SLC1A1: variants seen among roughly 807,000 people sequenced by gnomAD.
SLC1A1 encodes the protein excitatory amino acid transporter 3.
SLC1A1 carries 43 observed loss-of-function variants against 53.3 expected under a neutral mutation model. The observed-to-expected ratio is 0.81, with a 90% CI of 0.63 to 1.04. The LOEUF (loss-of-function observed/expected upper bound fraction) is 1.04. SLC1A1 is among the 50% of genes least tolerant of loss of function. The probability of loss-of-function intolerance (pLI) is 0.00; values close to 1 mark genes in which losing one functional copy is unlikely to be tolerated. For synonymous variants in SLC1A1, 307 were observed against 243.2 expected, an observed-to-expected ratio of 1.26 and a Z score of -2.44; for missense variants, 748 against 664.9, an observed-to-expected ratio of 1.12 and a Z score of -1.37.
Position 4,585,527 on chromosome 9 carries a change from C to T in SLC1A1, c.1544C>T (p.Thr515Ile). Reference sequence around the variant, plus strand: ...GGCTTTGCAGTAGACAAGTCTGACACCATCTCATTCACCCAGACCTCACAG... The same window carrying T: ...GGCTTTGCAGTAGACAAGTCTGACATCATCTCATTCACCCAGACCTCACAG... Reference protein sequence around the residue: ...NGGFAVDKSDTISFTQTSQF With the variant: ...NGGFAVDKSDIISFTQTSQF Residue 515 changes from threonine to isoleucine, a missense_variant, in exon 12 of 12, where the codon ACC becomes ATC. Physicochemically the swap from Thr to Ile is moderately conservative, Grantham distance 89 (BLOSUM62 -1). Transcript: ENST00000262352. The T allele has an allele frequency of 6.2e-7, 1 of 1,614,226 alleles. No individual in the cohort carries two copies. Among genetic ancestry groups the T allele is most frequent in the Non-Finnish European group, 8.5e-7 (1 of 1,180,034 alleles).
chr9:4,519,154 T>C (rs1815975728), intron 1 of SLC1A1, among the ~76,000 whole-genome samples: 1 of 152,236 alleles, frequency 6.6e-6, no homozygotes, highest in Non-Finnish European at 1.5e-5. Context: ...TAAAGAGAAG[T>C]TTCTGTTCAA....
intron 1 of SLC1A1, among the ~76,000 whole-genome samples, chr9:4,535,282 A>T (rs889810905): frequency 2.0e-5 from 3 of 152,150 alleles, no homozygotes; most frequent in East Asian, 1.9e-4. Flanking sequence ...TGTTTGCAGA[A>T]GACATGATTG....
Position 4,549,170 on chromosome 9 carries a change from G to A in SLC1A1, c.232+4463G>A, listed in dbSNP as rs1321268341. 2.0e-5 allele frequency among the ~76,000 whole-genome samples: 3 copies of A among 152,104 alleles called. No homozygotes were observed. The highest frequency in any genetic ancestry group is 1.9e-4 in the East Asian group (1 of 5,188). Reference sequence around the variant, plus strand: ...CCAGTCCCGCTCCCAGAGGTCCCCTGAGCATCCTTCCCGGATGCTCATAAC... The same window carrying A: ...CCAGTCCCGCTCCCAGAGGTCCCCTAAGCATCCTTCCCGGATGCTCATAAC... On this transcript the variant is annotated intron_variant, in intron 2 of 11. Coordinates refer to ENST00000262352, the MANE Select transcript of SLC1A1 (RefSeq NM_004170.6). The surrounding 1 kb of genome is among the most constrained non-coding windows in gnomAD (Gnocchi z 4.1).
In SLC1A1 at chr9:4,556,346, GA is replaced by G. The variant is rs1453528688; in HGVS notation, c.233-5100del. On this transcript the variant is annotated intron_variant, in intron 2 of 11. Coordinates refer to ENST00000262352, the MANE Select transcript of SLC1A1 (RefSeq NM_004170.6). The surrounding 1 kb of genome is among the most constrained non-coding windows in gnomAD (Gnocchi z 4.1). The stretch of plus-strand genomic sequence containing the variant: ...CTATCTTTTATTATTACATTCAACA[GA>G]AATAAAGTTACTGTCCAATTACTAT... Among the ~76,000 whole-genome samples, 2 of 152,182 alleles carry G rather than the reference GA, an allele frequency of 1.3e-5. No homozygotes were observed. Among genetic ancestry groups the G allele is most frequent in the African/African-American group, 4.8e-5 (2 of 41,434 alleles).
chr9:4,496,148 A>C (rs1211870979), intron 1 of SLC1A1, among the ~76,000 whole-genome samples: 1 of 152,116 alleles, frequency 6.6e-6, no homozygotes, highest in African/African-American at 2.4e-5. Flanking sequence ...CCAACATTGG[A>C]GGTCTGGGAA....
chr9:4,502,855 T>C (rs1554674589), intron 1 of SLC1A1, among the ~76,000 whole-genome samples: 1 of 151,756 alleles, frequency 6.6e-6, no homozygotes, highest in Non-Finnish European at 1.5e-5. Context: ...TTTCTCAGTC[T>C]TGTAGCTCAT....
chr9:4,565,448 A>C (rs964680323), intron 4 of SLC1A1, among the ~76,000 whole-genome samples: 72 of 152,344 alleles, frequency 4.7e-4, no homozygotes, highest in African/African-American at 1.7e-3. Flanking sequence ...GGGAGGCCTC[A>C]AGAAACTTAC....
chr9:4,495,383 G>C (rs1820380698), intron 1 of SLC1A1, among the ~76,000 whole-genome samples: 1 of 152,104 alleles, frequency 6.6e-6, no homozygotes, highest in Non-Finnish European at 1.5e-5. Context: ...TGTCCTCATG[G>C]GACTTAATGT....
intron 1 of SLC1A1, among the ~76,000 whole-genome samples, chr9:4,524,885 G>A (rs768584359): frequency 1.3e-5 from 2 of 151,960 alleles, no homozygotes; most frequent in Non-Finnish European, 2.9e-5. Flanking sequence ...GTGAGAACTC[G>A]CTACTGCAAG....
At chr9:4,502,863 C>T (rs1042851241) in intron 1 of SLC1A1, among the ~76,000 whole-genome samples, 2 of 151,690 alleles carry the variant, frequency 1.3e-5, no homozygotes, top group East Asian at 3.8e-4. Context: ...TCTTGTAGCT[C>T]ATCTTTATTG....
intron 7 of SLC1A1, 124 bp from the exon 8 acceptor site, chr9:4,573,783 C>T: frequency 1.3e-6 from 1 of 768,210 alleles, no homozygotes; most frequent in South Asian, 1.4e-5. Flanking sequence ...AATTCCCATC[C>T]TGTGCTCCAC....
In SLC1A1 at chr9:4,556,318, C is replaced by T. The variant is rs192937070; in HGVS notation, c.233-5131C>T. Among the ~76,000 whole-genome samples the T allele has an allele frequency of 4.6e-5, 7 of 152,302 alleles. No homozygotes were observed. The highest frequency in any genetic ancestry group is 7.3e-5 in the Non-Finnish European group (5 of 68,034). On this transcript the variant is annotated intron_variant, in intron 2 of 11. Transcript: ENST00000262352. The surrounding 1 kb of genome is among the most constrained non-coding windows in gnomAD (Gnocchi z 4.1). ...TACCGGCGTGAGCCACTACGCCCCG[C>T]CCCTATCTTTTATTATTACATTCAA...
At chr9:4,519,821 CA>C (rs1485175598) in intron 1 of SLC1A1, among the ~76,000 whole-genome samples, 1 of 152,216 alleles carries the variant, frequency 6.6e-6, no homozygotes, top group Non-Finnish European at 1.5e-5. Flanking sequence ...CTTACATCTT[CA>C]CCTAGATTGT....
intron 1 of SLC1A1, among the ~76,000 whole-genome samples, chr9:4,520,737 T>G (rs1331273262): frequency 2.6e-5 from 4 of 152,226 alleles, no homozygotes; most frequent in Non-Finnish European, 4.4e-5. Context: ...TCTTGTACAG[T>G]TTTTGTGTAA....
Position 4,585,861 on chromosome 9 carries a change from G to A in SLC1A1, c.*303G>A, listed in dbSNP as rs763230936. On this transcript the variant is annotated 3_prime_UTR_variant, in exon 12 of 12. Transcript: ENST00000262352. ...TAATAACTGTTAGAATTAGGTAATG[G>A]ATATGAAAGAGAAAATGCTTTCTCA... is the stretch of plus-strand genomic sequence containing the variant. 5.7e-6 allele frequency: 2 copies of A among 350,908 alleles called. No homozygotes were observed. Among genetic ancestry groups the A allele is most frequent in the African/African-American group, 2.1e-5 (1 of 47,742 alleles). 21.7% of individuals were successfully genotyped at this position (350,908 alleles called of 1,614,324 possible). A position where few individuals can be genotyped will look rare whatever the true frequency, so the allele number is the denominator to read the frequency against.
chr9:4,566,187 C>A, intron 5 of SLC1A1, 98 bp downstream of exon 5: 1 of 1,087,288 alleles, frequency 9.2e-7, no homozygotes, highest in Middle Eastern at 2.0e-4. Flanking sequence ...GAATTAGCCC[C>A]GTGAAAATGG....
At chr9:4,546,483 G>A (rs1817505361) in intron 2 of SLC1A1, among the ~76,000 whole-genome samples, 1 of 151,786 alleles carries the variant, frequency 6.6e-6, no homozygotes, top group Middle Eastern at 3.2e-3. Context: ...CCTATCAACG[G>A]TGGTCTGAAA....
chr9:4,528,214 C>G (rs1816333162), intron 1 of SLC1A1, among the ~76,000 whole-genome samples: 1 of 152,122 alleles, frequency 6.6e-6, no homozygotes, highest in Non-Finnish European at 1.5e-5. Context: ...CCCACCTCCC[C>G]TTCTCACAAG....
intron 2 of SLC1A1, among the ~76,000 whole-genome samples, chr9:4,561,219 T>C (rs1325777238): frequency 6.6e-6 from 1 of 152,146 alleles, no homozygotes; most frequent in African/African-American, 2.4e-5. Flanking sequence ...CTCCTGGAGG[T>C]GAAGGCTGTG....
Sources: allele counts gnomAD v4.1 joint callset (sites outside exome capture counted in the v4.1 genomes callset), GRCh38; gene constraint gnomAD v4.1.1; non-coding constraint Gnocchi (gnomAD v3.1); transcripts MANE v1.5; gene names NCBI Gene and HGNC (gene_info 2026-07-23, HGNC 2026-07-21).